The following HEATR5A variants were observed in gnomAD, a reference collection of about 807,000 sequenced individuals.
HEATR5A encodes the protein HEAT repeat containing 5A, also known as HEAT repeat-containing protein 5A.
Under a neutral mutation model 218.8 loss-of-function variants are expected in HEATR5A, and 178 were observed. The observed-to-expected ratio is 0.81, with a 90% CI of 0.72 to 0.92. The LOEUF (loss-of-function observed/expected upper bound fraction) is 0.92. Among genes scored for constraint, HEATR5A ranks in the 40% least tolerant of loss-of-function variants. The pLI, the probability that HEATR5A is intolerant of heterozygous loss-of-function variation, is 0.00. For synonymous variants in HEATR5A, 864 were observed against 871.6 expected (o/e 0.99, Z 0.15); for missense variants, 2,420 against 2,418.9 (o/e 1.00, Z -0.01).
intron 28 of HEATR5A, among the ~76,000 whole-genome samples, chr14:31,311,187 A>C (rs1342220049): frequency 1.3e-5 from 2 of 152,226 alleles, no homozygotes; most frequent in Admixed American, 6.5e-5. Flanking sequence ...AAGAAGATTA[A>C]GAGCGGCTAC....
chr14:31,303,243 G>A (rs1325140052), intron 32 of HEATR5A, among the ~76,000 whole-genome samples: 1 of 152,122 alleles, frequency 6.6e-6, no homozygotes, highest in Non-Finnish European at 1.5e-5. Flanking sequence ...GACCAGCCTG[G>A]CCAATATGGT....
intron 33 of HEATR5A, among the ~76,000 whole-genome samples, chr14:31,301,287 G>A (rs1409774805): frequency 1.3e-5 from 2 of 152,036 alleles, no homozygotes; most frequent in African/African-American, 2.4e-5. Context: ...ATGGAGTCTC[G>A]CTTTGTGCCC....
intron 9 of HEATR5A, among the ~76,000 whole-genome samples, chr14:31,385,597 C>G (rs372490702): frequency 4.6e-5 from 7 of 152,142 alleles, no homozygotes; most frequent in African/African-American, 1.4e-4. Flanking sequence ...GAAATGACAA[C>G]TAATGGACTT....
At chr14:31,319,677 T>C (rs147157500) in intron 25 of HEATR5A, among the ~76,000 whole-genome samples, 1 of 152,318 alleles carries the variant, frequency 6.6e-6, no homozygotes, top group African/African-American at 2.4e-5. Flanking sequence ...TTTGTTATCT[T>C]CCTTGTTCTT....
chr14:31,299,991 G>A (rs535539688), intron 33 of HEATR5A, among the ~76,000 whole-genome samples: 2 of 152,140 alleles, frequency 1.3e-5, no homozygotes, highest in East Asian at 3.9e-4. Context: ...AGCCGAGATT[G>A]TACCATTGCA....
intron 1 of HEATR5A, among the ~76,000 whole-genome samples, chr14:31,415,151 A>G (rs1334676153): frequency 6.6e-6 from 1 of 152,136 alleles, no homozygotes; most frequent in Non-Finnish European, 1.5e-5. Flanking sequence ...TCCTACTTTT[A>G]ATTCACAACC....
rs1018608541 is a variant in HEATR5A at position 31,374,211 on chromosome 14, TGAGAG to T, written c.1861+600_1861+604del. 4.7e-5 allele frequency among the ~76,000 whole-genome samples: 7 copies of T among 149,324 alleles called. 1 individual carries two copies. Among genetic ancestry groups the T allele is most frequent in the Middle Eastern group, 6.9e-3 (2 of 288 alleles). On this transcript the variant is annotated intron_variant, in intron 12 of 35. Coordinates refer to ENST00000543095, the MANE Select transcript of HEATR5A (RefSeq NM_015473.4). ...GTCTCAGCTACTTGGGAGGCTGACG[TGAGAG>T]GATCACTAGCCCAGCAGGCCAAGAC...
At chr14:31,333,732 T>C (rs910165549) in intron 22 of HEATR5A, among the ~76,000 whole-genome samples, 1 of 151,968 alleles carries the variant, frequency 6.6e-6, no homozygotes, top group African/African-American at 2.4e-5. Context: ...CCATGGTTCT[T>C]AAGGATTATG....
Position 31,294,066 on chromosome 14 carries a change from A to G in HEATR5A, c.5658T>C (p.Phe1886=). The G allele has an allele frequency of 6.2e-7, 1 of 1,601,034 alleles. No homozygotes were observed. The highest frequency in any genetic ancestry group is 8.5e-7 in the Non-Finnish European group (1 of 1,173,244). The change falls in exon 35 of 36, where the codon TTT becomes TTC. Residue 1886 remains phenylalanine (F), a synonymous_variant. Coordinates refer to ENST00000543095, the MANE Select transcript of HEATR5A (RefSeq NM_015473.4). ...AGGAAACAGCTGGATTTGGATACTG[A>G]AAGATGGAATGTAGGAGCTGGTAGG... ...IKTYQLLHSI[F]QYPNPAVSYP...
At chr14:31,346,903 G>A (rs1310417025) in intron 19 of HEATR5A, among the ~76,000 whole-genome samples, 1 of 152,174 alleles carries the variant, frequency 6.6e-6, no homozygotes. Flanking sequence ...ATTAAGATAG[G>A]AGAATGATGA....
chr14:31,387,660 C>A (rs796899299), intron 7 of HEATR5A, among the ~76,000 whole-genome samples: 8 of 151,836 alleles, frequency 5.3e-5, no homozygotes, highest in African/African-American at 1.9e-4. Context: ...CCTGGGTTCA[C>A]GCCATTCTCC....
At chr14:31,343,787 A>C in intron 21 of HEATR5A, 109 bp downstream of exon 21, 1 of 870,836 alleles carries the variant, frequency 1.1e-6, no homozygotes, top group Non-Finnish European at 1.6e-6. Context: ...AGCTACGTAT[A>C]TAACACATAA....
intron 35 of HEATR5A, 59 bp from the exon 36 acceptor site, chr14:31,293,671 C>T: frequency 7.0e-7 from 1 of 1,432,290 alleles, no homozygotes; most frequent in Non-Finnish European, 9.4e-7. Flanking sequence ...CAAAAGCCTG[C>T]AAATGCACTT....
intron 14 of HEATR5A, among the ~76,000 whole-genome samples, chr14:31,362,606 C>CAA (rs71115003): frequency 0.05 from 2,254 of 44,750 alleles, 126 homozygotes; most frequent in South Asian, 0.094. Context: ...CTACAAATGA[C>CAA]AAAAAAAAAA....
chr14:31,391,561 T>A (rs1055427525), intron 6 of HEATR5A, among the ~76,000 whole-genome samples: 9 of 151,482 alleles, frequency 5.9e-5, no homozygotes, highest in Admixed American at 3.3e-4. Flanking sequence ...ACACATTTTT[T>A]AAATTTAGCA....
chr14:31,325,423 TTC>T, intron 23 of HEATR5A, among the ~76,000 whole-genome samples: 1 of 152,256 alleles, frequency 6.6e-6, no homozygotes, highest in Non-Finnish European at 1.5e-5. Context: ...TTGTATAACT[TTC>T]TCTTATGGTG....
chr14:31,321,244 C>T (rs1022333557), intron 25 of HEATR5A, among the ~76,000 whole-genome samples: 19 of 152,006 alleles, frequency 1.2e-4, no homozygotes, highest in Admixed American at 3.9e-4. Context: ...CTGCAACCTC[C>T]GTCTCCCAGG....
intron 1 of HEATR5A, among the ~76,000 whole-genome samples, chr14:31,405,962 C>T (rs1179202778): frequency 6.6e-6 from 1 of 152,202 alleles, no homozygotes; most frequent in African/African-American, 2.4e-5. Context: ...ATGTAAATTA[C>T]TCCTAAAGGA....
rs758033178 is a variant in HEATR5A at position 31,350,699 on chromosome 14, C to T, written c.2430G>A (p.Gln810=). The T allele has an allele frequency of 3.8e-6, 6 of 1,580,266 alleles. No homozygotes were observed. Among genetic ancestry groups the T allele is most frequent in the Non-Finnish European group, 8.7e-7 (1 of 1,155,050 alleles). ...GETQRLLILE[Q]LLDSIKHTKG... ...TTGTGTGCTTTATACTGTCCAAAAG[C>T]TGTTCCAATATAAGAAGCCTACAAT... Residue 810 remains glutamine (Q), a synonymous_variant, in exon 17 of 36, where the codon CAG becomes CAA. Coordinates refer to ENST00000543095, the MANE Select transcript of HEATR5A (RefSeq NM_015473.4).
Sources: allele counts gnomAD v4.1 joint callset (sites outside exome capture counted in the v4.1 genomes callset), GRCh38; gene constraint gnomAD v4.1.1; transcripts MANE v1.5; gene names NCBI Gene and HGNC (gene_info 2026-07-23, HGNC 2026-07-21).